Variants in TGFBR2 observed in about 807,000 individuals in gnomAD.
The protein encoded by TGFBR2 is TGF-beta receptor type-2.
TGFBR2 carries 18 observed loss-of-function variants against 49.0 expected under a neutral mutation model. That is an observed-to-expected ratio of 0.37 (90% CI 0.25 to 0.54). TGFBR2 has a LOEUF of 0.54. Among genes scored for constraint, TGFBR2 ranks in the 20% least tolerant of loss-of-function variants. TGFBR2 has a pLI of 0.85. For synonymous variants in TGFBR2, 282 were observed against 275.9 expected (o/e 1.02, Z -0.22); for missense variants, 525 against 722.6 (o/e 0.73, Z 3.13).
chr3:30,629,842 G>A (rs995149231), intron 1 of TGFBR2, among the ~76,000 whole-genome samples: 28 of 152,156 alleles, frequency 1.8e-4, no homozygotes, highest in African/African-American at 6.0e-4. Context: ...TTTTAGAAGC[G>A]GTTGTCAAGA....
intron 1 of TGFBR2, among the ~76,000 whole-genome samples, chr3:30,643,075 A>G (rs960761724): frequency 2.0e-5 from 3 of 152,230 alleles, no homozygotes; most frequent in Non-Finnish European, 2.9e-5. Context: ...AACAGGTGCT[A>G]TGCCCAAGCT....
chr3:30,613,732 G>C (rs756946127), intron 1 of TGFBR2, among the ~76,000 whole-genome samples: 3 of 152,186 alleles, frequency 2.0e-5, no homozygotes, highest in Non-Finnish European at 4.4e-5. Context: ...TTCTAAAGTT[G>C]TACCTGGTCT....
At chr3:30,664,673 C>T (rs1575154497) in intron 3 of TGFBR2, among the ~76,000 whole-genome samples, 2 of 152,218 alleles carry the variant, frequency 1.3e-5, no homozygotes, top group East Asian at 1.9e-4. Context: ...CACATGCACA[C>T]GCGCGTGCGC....
chr3:30,656,736 A>G (rs1699008707), intron 3 of TGFBR2, among the ~76,000 whole-genome samples: 1 of 152,176 alleles, frequency 6.6e-6, no homozygotes, highest in Admixed American at 6.5e-5. Context: ...TATTCTAGAA[A>G]ATGAGAGGCA....
intron 3 of TGFBR2, among the ~76,000 whole-genome samples, chr3:30,656,983 T>G (rs1699012833): frequency 6.6e-6 from 1 of 152,212 alleles, no homozygotes; most frequent in South Asian, 2.1e-4. Flanking sequence ...GTTGTCTTGT[T>G]TCATAGACTC....
intron 1 of TGFBR2, among the ~76,000 whole-genome samples, chr3:30,607,478 C>T (rs1055176472): frequency 6.6e-6 from 1 of 152,204 alleles, no homozygotes; most frequent in Non-Finnish European, 1.5e-5. Context: ...TCCCTCAGGC[C>T]GGCTTCTTGG....
intron 3 of TGFBR2, among the ~76,000 whole-genome samples, chr3:30,651,903 T>C (rs565496498): frequency 1.3e-5 from 2 of 152,352 alleles, no homozygotes; most frequent in East Asian, 3.9e-4. Context: ...TAGGTCTGAT[T>C]TAATTAAAAA....
intron 1 of TGFBR2, among the ~76,000 whole-genome samples, chr3:30,636,169 G>A (rs1395819849): frequency 2.1e-5 from 3 of 143,798 alleles, no homozygotes; most frequent in Non-Finnish European, 4.4e-5. Context: ...GTGTGTGTGT[G>A]TGTGTGTGTG....
At position 30,681,853 on chromosome 3, in the gene TGFBR2, T is replaced by C. The variant is rs375027684; in HGVS notation, c.1397-6531T>C. Among the ~76,000 whole-genome samples, 22 of 152,226 alleles carry C rather than the reference T, an allele frequency of 1.4e-4. No homozygotes were observed. The South Asian group carries it at 2.9e-3, about 20-fold the overall frequency. On this transcript the variant is annotated intron_variant, in intron 5 of 6. Transcript: ENST00000295754. ...CAAGAATTTGAGTACTAGTAGTTTA[T>C]TTGGGAAGAGATTGCAGGAAATGCC...
rs779879945 is a variant in TGFBR2 at position 30,672,497 on chromosome 3, G to C, written c.1254+60G>C. Reference sequence around the variant, plus strand: ...TGAGCCTGGCCTCACCCTACCTCTTGATCCATATCTCCTGGCTCTTATCTC... The same window carrying C: ...TGAGCCTGGCCTCACCCTACCTCTTCATCCATATCTCCTGGCTCTTATCTC... On this transcript the variant is annotated intron_variant, in intron 4 of 6. Transcript: ENST00000295754. This position sits in a 1 kb window ranked among gnomAD's most constrained non-coding sequence, Gnocchi z 4.5. 1.3e-6 allele frequency: 2 copies of C among 1,553,102 alleles called. No individual in the cohort carries two copies. Among genetic ancestry groups the C allele is most frequent in the Non-Finnish European group, 1.8e-6 (2 of 1,125,194 alleles).
chr3:30,620,900 T>C (rs1337460398), intron 1 of TGFBR2, among the ~76,000 whole-genome samples: 2 of 152,222 alleles, frequency 1.3e-5, no homozygotes, highest in African/African-American at 4.8e-5. Flanking sequence ...GACCCCTGGT[T>C]GTACTTTTTG....
At chr3:30,619,935 C>G (rs1698196782) in intron 1 of TGFBR2, among the ~76,000 whole-genome samples, 1 of 144,482 alleles carries the variant, frequency 6.9e-6, no homozygotes, top group South Asian at 2.3e-4. Flanking sequence ...TGCCTGTAAT[C>G]CCAGCACTTT....
chr3:30,658,944 C>G (rs1192278308), intron 3 of TGFBR2, among the ~76,000 whole-genome samples: 1 of 152,164 alleles, frequency 6.6e-6, no homozygotes, highest in Non-Finnish European at 1.5e-5. Flanking sequence ...TGTTGACTTC[C>G]GTTGTTTTCC....
In TGFBR2 at chr3:30,648,425, C is replaced by CACACAA. The variant is rs1367434926; in HGVS notation, c.264-1840_264-1839insAACACA. ...ACCCAAACCAAAAACAACCTACACACACACACACACACACACACACACACA... is the reference window on the plus strand; with the variant it reads ...ACCCAAACCAAAAACAACCTACACACACACAAACACACACACACACACACACACACA... On this transcript the variant is annotated intron_variant, in intron 2 of 6. Transcript: ENST00000295754. 5.2e-3 allele frequency among the ~76,000 whole-genome samples: 443 copies of CACACAA among 85,680 alleles called. 3 individuals carry two copies. Among genetic ancestry groups the CACACAA allele is most frequent in the African/African-American group, 0.024 (425 of 17,944 alleles). The allele number at this position is 85,680 out of a possible 152,430, so 56.2% of individuals were successfully genotyped here. A position where few individuals can be genotyped will look rare whatever the true frequency, so the allele number is the denominator to read the frequency against.
rs771926828 is a variant in TGFBR2, at chr3:30,691,554, G to A, written c.1659G>A (p.Ser553=). The change falls in exon 7 of 7, where the codon TCG becomes TCA. Residue 553 remains serine, a synonymous_variant. Coordinates refer to ENST00000295754, the MANE Select transcript of TGFBR2 (RefSeq NM_003242.6). ...HLDRLSGRSC[S]EEKIPEDGSL... is the part of the protein sequence containing the mutation. ...ACAGGCTCTCGGGGAGGAGCTGCTC[G>A]GAGGAGAAGATTCCTGAAGACGGCT... 31 of 1,613,994 alleles carry A rather than the reference G, an allele frequency of 1.9e-5. No individual in the cohort carries two copies. Among genetic ancestry groups the A allele is most frequent in the South Asian group, 7.7e-5 (7 of 91,076 alleles).
At chr3:30,659,997 C>T (rs1699089030) in intron 3 of TGFBR2, among the ~76,000 whole-genome samples, 1 of 152,080 alleles carries the variant, frequency 6.6e-6, no homozygotes, top group South Asian at 2.1e-4. Flanking sequence ...GGATGACTTG[C>T]CTTTGGAAAG....
chr3:30,668,497 G>A (rs535265817), intron 3 of TGFBR2, among the ~76,000 whole-genome samples: 6 of 152,292 alleles, frequency 3.9e-5, no homozygotes, highest in African/African-American at 1.2e-4. Context: ...CGGCTGTTGT[G>A]TTTGAATTTG....
Position 30,691,497 on chromosome 3 carries a change from G to A in TGFBR2, c.1602G>A (p.Val534=), listed in dbSNP as rs140818646. 1.1e-3 allele frequency: 1,793 copies of A among 1,614,124 alleles called. 10 individuals are homozygous for A. The highest frequency in any genetic ancestry group is 2.0e-3 in the Middle Eastern group (12 of 6,060). The part of the protein sequence containing the change: ...DPEARLTAQC[V]AERFSELEHL... ...AGGCCCGTCTCACAGCCCAGTGTGT[G>A]GCAGAACGCTTCAGTGAGCTGGAGC... is the stretch of plus-strand genomic sequence containing the variant. Residue 534 remains valine (V), a synonymous_variant, in exon 7 of 7, where the codon GTG becomes GTA. Coordinates refer to ENST00000295754, the MANE Select transcript of TGFBR2 (RefSeq NM_003242.6).
chr3:30,611,330 T>A (rs963574007), intron 1 of TGFBR2, among the ~76,000 whole-genome samples: 1 of 152,230 alleles, frequency 6.6e-6, no homozygotes, highest in Non-Finnish European at 1.5e-5. Flanking sequence ...AAATCTTTAC[T>A]TTCAGTTAGA....
Sources: allele counts gnomAD v4.1 joint callset (sites outside exome capture counted in the v4.1 genomes callset), GRCh38; gene constraint gnomAD v4.1.1; non-coding constraint Gnocchi (gnomAD v3.1); transcripts MANE v1.5; gene names NCBI Gene and HGNC (gene_info 2026-07-23, HGNC 2026-07-21).